FLNB: variants seen among roughly 807,000 people sequenced by gnomAD.
FLNB encodes filamin-B.
A neutral mutation model predicts 250.6 loss-of-function variants in FLNB; 111 were observed. The observed-to-expected ratio is 0.44, with a 90% CI of 0.38 to 0.52. The LOEUF (loss-of-function observed/expected upper bound fraction) is 0.52, where lower values mean the gene tolerates loss of function less well. Among genes scored for constraint, FLNB ranks in the 20% least tolerant of loss-of-function variants. The pLI, the probability that FLNB is intolerant of heterozygous loss-of-function variation, is 0.00. For synonymous variants in FLNB, 1,302 were observed against 1,372.1 expected (o/e 0.95, Z 1.13); for missense variants, 2,869 against 3,447.8 (o/e 0.83, Z 4.20).
intron 26 of FLNB, among the ~76,000 whole-genome samples, chr3:58,134,393 C>T (rs1047822733): frequency 7.2e-5 from 11 of 152,144 alleles, no homozygotes; most frequent in African/African-American, 2.4e-4. Context: ...GGTTGGGGAC[C>T]GCTGCCTTGG....
At chr3:58,149,591 T>G in intron 36 of FLNB, 2 of 544,494 alleles carry the variant, frequency 3.7e-6, no homozygotes, top group South Asian at 4.0e-5. Flanking sequence ...ACACATCATC[T>G]ATGGGATATT....
chr3:58,083,288 G>A (rs6778119), intron 4 of FLNB, among the ~76,000 whole-genome samples: 3,378 of 148,278 alleles, frequency 0.023, 125 homozygotes, highest in African/African-American at 0.08. Flanking sequence ...ATAGTTAAGG[G>A]CATGTGTCTT....
intron 1 of FLNB, among the ~76,000 whole-genome samples, chr3:58,065,289 A>G (rs2097183932): frequency 1.3e-5 from 2 of 152,198 alleles, no homozygotes. Context: ...CAAGCACAGC[A>G]TGTGTGTGGA....
In FLNB at chr3:58,153,491, A is replaced by T. The variant is rs1298532423; in HGVS notation, c.6484A>T (p.Met2162Leu). The T allele has an allele frequency of 1.2e-6, 2 of 1,614,190 alleles. No individual in the cohort carries two copies. Among genetic ancestry groups the T allele is most frequent in the Admixed American group, 3.3e-5 (2 of 60,024 alleles). Residue 2162 changes from methionine to leucine, a missense_variant, in exon 39 of 46, where the codon ATG becomes TTG. By Grantham distance (15) the Met-to-Leu change is conservative (BLOSUM62 2). Coordinates refer to ENST00000295956, the MANE Select transcript of FLNB (RefSeq NM_001457.4). ...SHCVRFVPQE[M>L]GVHTVSVKYR... ...CTGCGTCCGGTTTGTGCCCCAGGAG[A>T]TGGGCGTGCACACGGTCAGCGTCAA...
At chr3:58,011,312 G>A (rs956486768) in intron 1 of FLNB, among the ~76,000 whole-genome samples, 2 of 152,088 alleles carry the variant, frequency 1.3e-5, no homozygotes, top group Non-Finnish European at 2.9e-5. Flanking sequence ...CTGGGCCTGT[G>A]GGCTGTTGGC....
chr3:58,024,545 G>C lies in FLNB; in HGVS notation c.292+15689G>C, dbSNP rs201944145. Among the ~76,000 whole-genome samples the C allele has an allele frequency of 3.3e-5, 5 of 151,960 alleles. No homozygotes were observed. The East Asian group carries it at 7.7e-4, about 23-fold the overall frequency. On this transcript the variant is annotated intron_variant, in intron 1 of 45. Coordinates refer to ENST00000295956, the MANE Select transcript of FLNB (RefSeq NM_001457.4). ...AATCTAATTATCTAGGAAGGTGAAA[G>C]GTGGTTGGGAATACTCCCAGAAATA...
chr3:58,146,999 G>GATC lies in FLNB; in HGVS notation c.5728+6_5728+7insATC, dbSNP rs1294723964. ...CTTCACAGCCAAGATCACAGGTAGG[G>GATC]TTGTCTGGCTTCTGGGGTCTTCCTC... On this transcript the variant is annotated splice_region_variant and intron_variant, in intron 34 of 45. Transcript: ENST00000295956. The GATC allele has an allele frequency of 6.2e-7, 1 of 1,613,566 alleles. No individual in the cohort carries two copies. The highest frequency in any genetic ancestry group is 1.3e-5 in the African/African-American group (1 of 74,936).
intron 4 of FLNB, among the ~76,000 whole-genome samples, chr3:58,087,513 G>T (rs1280110482): frequency 6.6e-6 from 1 of 152,132 alleles, no homozygotes; most frequent in Non-Finnish European, 1.5e-5. Flanking sequence ...GAGTGCAGTG[G>T]CATGATCTCG....
intron 22 of FLNB, among the ~76,000 whole-genome samples, 182 bp from the exon 23 acceptor site, chr3:58,125,399 C>T (rs1189433007): frequency 6.6e-6 from 1 of 152,196 alleles, no homozygotes; most frequent in Non-Finnish European, 1.5e-5. Context: ...TCCCAAAGTG[C>T]TGGGATTATA....
At chr3:58,108,131 A>C (rs372826889) in intron 12 of FLNB, among the ~76,000 whole-genome samples, 15 of 152,228 alleles carry the variant, frequency 9.9e-5, no homozygotes, top group Admixed American at 2.0e-4. Flanking sequence ...AAAACAAAAA[A>C]AAAATTGCAA....
intron 34 of FLNB, 113 bp from the exon 35 acceptor site, chr3:58,148,093 C>A: frequency 2.8e-6 from 3 of 1,078,676 alleles, no homozygotes; most frequent in Non-Finnish European, 4.2e-6. Flanking sequence ...TTTCACTTAA[C>A]TTTGTGTAAT....
chr3:58,095,761 A>T (rs964857637), intron 5 of FLNB, among the ~76,000 whole-genome samples: 1 of 152,190 alleles, frequency 6.6e-6, no homozygotes, highest in South Asian at 2.1e-4. Context: ...CATTTCCCCC[A>T]CCGGGGCAGG....
At chr3:58,012,275 A>G (rs1206522213) in intron 1 of FLNB, among the ~76,000 whole-genome samples, 2 of 150,618 alleles carry the variant, frequency 1.3e-5, no homozygotes, top group Non-Finnish European at 2.9e-5. Context: ...GTTCAAAATT[A>G]GGGGAGAACA....
intron 26 of FLNB, 81 bp from the exon 27 acceptor site, chr3:58,134,535 C>T (rs772797484): frequency 6.6e-6 from 10 of 1,522,482 alleles, no homozygotes; most frequent in Non-Finnish European, 8.2e-6. Context: ...CCATCCCACT[C>T]TTATGTGTAA....
At chr3:58,052,627 A>G (rs538092647) in intron 1 of FLNB, among the ~76,000 whole-genome samples, 1 of 152,308 alleles carries the variant, frequency 6.6e-6, no homozygotes, top group Admixed American at 6.5e-5. Flanking sequence ...TGGTCATGAC[A>G]TCGGTGTGGA....
rs1476279757 is a variant in FLNB, at chr3:58,125,748, G to A, written c.4061+5G>A. Reference sequence around the variant, plus strand: ...TGTCTTCACCGTGGTTACCAGGTAGGCAAGGCCCTACATTTGGTGTCTTGA... The same window carrying A: ...TGTCTTCACCGTGGTTACCAGGTAGACAAGGCCCTACATTTGGTGTCTTGA... On this transcript the variant is annotated splice_donor_5th_base_variant and intron_variant, in intron 23 of 45. Coordinates refer to ENST00000295956, the MANE Select transcript of FLNB (RefSeq NM_001457.4). 5.0e-6 allele frequency: 8 copies of A among 1,613,874 alleles called. No individual in the cohort carries two copies. The highest frequency in any genetic ancestry group is 6.8e-6 in the Non-Finnish European group (8 of 1,179,942).
rs190399728 is a variant in FLNB at position 58,026,962 on chromosome 3, T to G, written c.292+18106T>G. Among the ~76,000 whole-genome samples, 425 of 152,314 alleles carry G rather than the reference T, an allele frequency of 2.8e-3. 2 individuals carry two copies. Among genetic ancestry groups the G allele is most frequent in the African/African-American group, 9.9e-3 (413 of 41,574 alleles). ...TTTTCCATGTGATGGGGCAAAAATT[T>G]AAAACACTTGCACAACGGCTTTTGT... On this transcript the variant is annotated intron_variant, in intron 1 of 45. Coordinates refer to ENST00000295956, the MANE Select transcript of FLNB (RefSeq NM_001457.4).
rs558533192 is a variant in FLNB at position 58,137,626 on chromosome 3, T to A, written c.4862-656T>A. ...TCATGCTTTTCTGCATTTCCTGATA[T>A]GTGGATCCTGTGTAAAGGGGCGCCA... On this transcript the variant is annotated intron_variant, in intron 28 of 45. Transcript: ENST00000295956. 2.6e-5 allele frequency among the ~76,000 whole-genome samples: 4 copies of A among 152,334 alleles called. No individual in the cohort carries two copies. The South Asian group carries it at 8.3e-4, about 32-fold the overall frequency.
chr3:58,156,940 A>G (rs2097354267), intron 41 of FLNB, among the ~76,000 whole-genome samples: 1 of 151,960 alleles, frequency 6.6e-6, no homozygotes, highest in Admixed American at 6.6e-5. Context: ...GAGGTGATCC[A>G]CCCCACTCAA....
Sources: gnomAD v4.1 joint callset for allele counts (sites outside exome capture counted in the v4.1 genomes callset) on GRCh38, gnomAD v4.1.1 for gene constraint, MANE v1.5 for transcripts, NCBI Gene and HGNC (gene_info 2026-07-23, HGNC 2026-07-21) for gene names.